Variants in PLCB1 observed in about 807,000 individuals in gnomAD.
PLCB1 encodes the protein 1-phosphatidylinositol 4,5-bisphosphate phosphodiesterase beta-1.
Under a neutral mutation model 161.8 loss-of-function variants are expected in PLCB1, and 46 were observed. That is an observed-to-expected ratio of 0.28 (90% CI 0.22 to 0.36). PLCB1 has a LOEUF of 0.36. Ranked by LOEUF, PLCB1 falls within the 10% of genes least tolerant of loss-of-function variation. The pLI is 1.00. For synonymous variants in PLCB1, 517 were observed against 503.7 expected (o/e 1.03, Z -0.35); for missense variants, 1,016 against 1,472.5 (o/e 0.69, Z 5.07).
chr20:8,253,233 G>A (rs1172335307), intron 2 of PLCB1, among the ~76,000 whole-genome samples: 2 of 151,936 alleles, frequency 1.3e-5, no homozygotes, highest in Non-Finnish European at 2.9e-5. Context: ...TAACTGATAG[G>A]AATTGGTGGT....
intron 2 of PLCB1, among the ~76,000 whole-genome samples, chr20:8,333,815 C>T (rs1218542640): frequency 1.3e-5 from 2 of 152,180 alleles, no homozygotes; most frequent in African/African-American, 4.8e-5. Flanking sequence ...CTGGGTCTTA[C>T]TTACTGGATA....
intron 4 of PLCB1, among the ~76,000 whole-genome samples, chr20:8,629,967 T>TTCC (rs1988518823): frequency 2.5e-4 from 4 of 15,938 alleles, no homozygotes; most frequent in African/African-American, 7.1e-4. Context: ...TTCTTTCTTC[T>TTCC]TTCTTTCTTT....
intron 2 of PLCB1, among the ~76,000 whole-genome samples, chr20:8,341,022 C>T (rs1985789574): frequency 6.6e-6 from 1 of 152,190 alleles, no homozygotes; most frequent in African/African-American, 2.4e-5. Flanking sequence ...CTCATCCCTT[C>T]TGCCTCTTGC....
intron 2 of PLCB1, among the ~76,000 whole-genome samples, chr20:8,258,395 C>A (rs1045819461): frequency 6.6e-6 from 1 of 152,174 alleles, no homozygotes; most frequent in African/African-American, 2.4e-5. Flanking sequence ...GCTATAGAAT[C>A]TTTACTACTA....
At chr20:8,851,005 GT>G (rs1438070066) in intron 31 of PLCB1, among the ~76,000 whole-genome samples, 1 of 152,126 alleles carries the variant, frequency 6.6e-6, no homozygotes, top group South Asian at 2.1e-4. Flanking sequence ...TTGTTATAAT[GT>G]TTTTTTCTTA....
chr20:8,316,329 C>T (rs1001276913), intron 2 of PLCB1, among the ~76,000 whole-genome samples: 20 of 152,148 alleles, frequency 1.3e-4, no homozygotes, highest in Non-Finnish European at 2.8e-4. Context: ...ATGAGCCAGT[C>T]CTGAAAGACA....
At chr20:8,218,620 G>C (rs1265898300) in intron 2 of PLCB1, among the ~76,000 whole-genome samples, 2 of 151,584 alleles carry the variant, frequency 1.3e-5, no homozygotes, top group African/African-American at 4.8e-5. Context: ...CACATAGTAA[G>C]CACTCTATAG....
intron 3 of PLCB1, among the ~76,000 whole-genome samples, chr20:8,405,596 C>T (rs1440187802): frequency 6.6e-6 from 1 of 152,188 alleles, no homozygotes; most frequent in Admixed American, 6.5e-5. Context: ...ATCTACCCCA[C>T]TTTCCTTCTG....
chr20:8,681,466 T>G lies in PLCB1; in HGVS notation c.863-3466T>G, dbSNP rs766736663. ...GTTGTTTTTTCTTGCTTTTAAAAGTTGCTGATCAAACCAAAGGATGTTTAT... is the reference window on the plus strand; with the variant it reads ...GTTGTTTTTTCTTGCTTTTAAAAGTGGCTGATCAAACCAAAGGATGTTTAT... On this transcript the variant is annotated intron_variant, in intron 9 of 31. Transcript: ENST00000338037. 5.9e-5 allele frequency among the ~76,000 whole-genome samples: 9 copies of G among 152,210 alleles called. 1 individual carries two copies. Among genetic ancestry groups the G allele is most frequent in the Admixed American group, 1.3e-4 (2 of 15,276 alleles).
chr20:8,577,288 A>T (rs1477848032), intron 3 of PLCB1, among the ~76,000 whole-genome samples: 2 of 150,624 alleles, frequency 1.3e-5, no homozygotes, highest in Non-Finnish European at 3.0e-5. Context: ...AAAAAAAAAA[A>T]TTAGCTGGGC....
At chr20:8,723,104 C>T (rs1032199693) in intron 15 of PLCB1, among the ~76,000 whole-genome samples, 4 of 152,164 alleles carry the variant, frequency 2.6e-5, no homozygotes, top group Non-Finnish European at 5.9e-5. Flanking sequence ...TGTAGCTCTA[C>T]AATTTAGTAA....
chr20:8,477,633 G>C (rs1253371815), intron 3 of PLCB1, among the ~76,000 whole-genome samples: 2 of 152,194 alleles, frequency 1.3e-5, no homozygotes, highest in African/African-American at 4.8e-5. Context: ...TGAAGCCTCA[G>C]GAAGCTTTCA....
intron 3 of PLCB1, among the ~76,000 whole-genome samples, chr20:8,440,880 A>C (rs1031784427): frequency 6.6e-6 from 1 of 152,034 alleles, no homozygotes; most frequent in Non-Finnish European, 1.5e-5. Context: ...TCTGATCACT[A>C]TATGTTATAT....
chr20:8,692,911 C>T (rs1163273797), intron 10 of PLCB1, among the ~76,000 whole-genome samples: 5 of 152,262 alleles, frequency 3.3e-5, no homozygotes, highest in Admixed American at 3.3e-4. Context: ...TCACACCACA[C>T]ATCAATGCCC....
intron 3 of PLCB1, among the ~76,000 whole-genome samples, chr20:8,398,764 C>T (rs191343243): frequency 1.3e-5 from 2 of 151,800 alleles, no homozygotes; most frequent in South Asian, 2.1e-4. Context: ...GCATAATTTG[C>T]ACTTTTTTTT....
intron 18 of PLCB1, 138 bp downstream of exon 18, chr20:8,729,312 T>G: frequency 4.0e-5 from 23 of 579,230 alleles, no homozygotes; most frequent in Middle Eastern, 3.1e-4. Context: ...ATGAAGGGAA[T>G]ATCAATGCAT....
chr20:8,715,537 C>G (rs1464150670), intron 12 of PLCB1, among the ~76,000 whole-genome samples: 1 of 152,212 alleles, frequency 6.6e-6, no homozygotes, highest in African/African-American at 2.4e-5. Flanking sequence ...CTCAGCTCAG[C>G]AAACCCTGCA....
At chr20:8,757,853 A>C (rs1213267471) in intron 24 of PLCB1, among the ~76,000 whole-genome samples, 2 of 114,776 alleles carry the variant, frequency 1.7e-5, no homozygotes, top group African/African-American at 3.2e-5. Flanking sequence ...TCATTTCTCA[A>C]AATGAATAAA....
intron 7 of PLCB1, among the ~76,000 whole-genome samples, chr20:8,650,231 G>C (rs557109420): frequency 6.6e-6 from 1 of 151,976 alleles, no homozygotes; most frequent in Non-Finnish European, 1.5e-5. Flanking sequence ...CAACTCTGGT[G>C]GTGGGGTATG....
Sources: gnomAD v4.1 joint callset for allele counts (sites outside exome capture counted in the v4.1 genomes callset) on GRCh38, gnomAD v4.1.1 for gene constraint, MANE v1.5 for transcripts, NCBI Gene and HGNC (gene_info 2026-07-23, HGNC 2026-07-21) for gene names.